The following ATAD2B variants were observed in gnomAD, a reference collection of about 807,000 sequenced individuals.
The protein encoded by ATAD2B is ATPase family AAA domain-containing protein 2B.
A neutral mutation model predicts 167.6 loss-of-function variants in ATAD2B; 40 were observed. The ratio of observed to expected loss-of-function variants is 0.24; its 90% CI spans 0.19 to 0.31. The LOEUF (loss-of-function observed/expected upper bound fraction) is 0.31. Among genes scored for constraint, ATAD2B ranks in the 10% least tolerant of loss-of-function variants. ATAD2B has a pLI of 1.00. For synonymous variants in ATAD2B, 579 were observed against 596.5 expected (o/e 0.97, Z 0.43); for missense variants, 1,242 against 1,757.2 (o/e 0.71, Z 5.24).
intron 18 of ATAD2B, among the ~76,000 whole-genome samples, chr2:23,802,197 A>G (rs1297251088): frequency 6.6e-6 from 1 of 151,706 alleles, no homozygotes; most frequent in Non-Finnish European, 1.5e-5. Flanking sequence ...TTGGGAGCTA[A>G]AACATCCTCA....
chr2:23,907,674 T>C (rs1025247122), intron 1 of ATAD2B, among the ~76,000 whole-genome samples: 3 of 152,174 alleles, frequency 2.0e-5, no homozygotes, highest in African/African-American at 7.2e-5. Flanking sequence ...AGAGCCCCCA[T>C]TGCCAAGTCA....
chr2:23,702,366 A>C, the ATAD2B span, among the ~76,000 whole-genome samples: 1 of 152,244 alleles, frequency 6.6e-6, no homozygotes, highest in African/African-American at 2.4e-5. Context: ...CTATTTTATA[A>C]TAAAATGTCA....
intron 27 of ATAD2B, among the ~76,000 whole-genome samples, chr2:23,752,641 G>A (rs1675491797): frequency 6.6e-6 from 1 of 151,964 alleles, no homozygotes. Flanking sequence ...TGGCAGTCAG[G>A]ATTTGAATAC....
chr2:23,736,593 C>T, the ATAD2B span, among the ~76,000 whole-genome samples: 18,187 of 152,170 alleles, frequency 0.12, 1,165 homozygotes, highest in Middle Eastern at 0.21. Flanking sequence ...AGAACAGCTC[C>T]GGTCTACAGC....
At chr2:23,817,065 C>T (rs1686555723) in intron 17 of ATAD2B, among the ~76,000 whole-genome samples, 1 of 152,078 alleles carries the variant, frequency 6.6e-6, no homozygotes, top group Non-Finnish European at 1.5e-5. Flanking sequence ...GAAAACTAAA[C>T]CAACCAAACA....
intron 18 of ATAD2B, among the ~76,000 whole-genome samples, chr2:23,804,922 C>T (rs990797889): frequency 6.6e-6 from 1 of 151,784 alleles, no homozygotes; most frequent in Non-Finnish European, 1.5e-5. Flanking sequence ...GCGGGTAGAT[C>T]ACCTGAGGTC....
chr2:23,869,379 G>C (rs1258983048), intron 9 of ATAD2B, among the ~76,000 whole-genome samples: 1 of 152,162 alleles, frequency 6.6e-6, no homozygotes, highest in African/African-American at 2.4e-5. Context: ...TTAGAAAGGA[G>C]GTACAGAGGA....
the ATAD2B span, among the ~76,000 whole-genome samples, chr2:23,720,795 G>C: frequency 1.1e-4 from 17 of 152,184 alleles, 1 homozygote; most frequent in African/African-American, 3.9e-4. Context: ...AGAGCTGCCT[G>C]GAATTCATCC....
At chr2:23,742,127 A>C in the ATAD2B span, among the ~76,000 whole-genome samples, 51 of 152,200 alleles carry the variant, frequency 3.4e-4, no homozygotes, top group South Asian at 2.1e-4. Flanking sequence ...TAGTTCAACC[A>C]TTGTGGAAGT....
chr2:23,688,390 C>G, the ATAD2B span, among the ~76,000 whole-genome samples: 1 of 152,214 alleles, frequency 6.6e-6, no homozygotes, highest in Non-Finnish European at 1.5e-5. Context: ...AGACAGTGCC[C>G]AGTTCCAACT....
chr2:23,760,766 ACAC>A (rs141182808), intron 24 of ATAD2B, among the ~76,000 whole-genome samples: 59,310 of 148,750 alleles, frequency 0.4, 12,797 homozygotes, highest in East Asian at 0.75. Context: ...ACACACACAC[ACAC>A]ACCACTTCCT....
chr2:23,908,089 T>TC (rs1701751044), intron 1 of ATAD2B, among the ~76,000 whole-genome samples: 1 of 152,204 alleles, frequency 6.6e-6, no homozygotes, highest in Non-Finnish European at 1.5e-5. Flanking sequence ...GGCAAGGACT[T>TC]CGTGTCTAAA....
intron 19 of ATAD2B, 81 bp from the exon 20 acceptor site, chr2:23,788,728 C>T: frequency 8.9e-7 from 1 of 1,124,072 alleles, no homozygotes; most frequent in South Asian, 1.6e-5. Flanking sequence ...GCAATGTCTT[C>T]ATCTTCCAGT....
chr2:23,849,863 C>T (rs940113726), intron 13 of ATAD2B, among the ~76,000 whole-genome samples: 1 of 152,100 alleles, frequency 6.6e-6, no homozygotes, highest in African/African-American at 2.4e-5. Context: ...CTGCTTAACA[C>T]TATTAATGCC....
At chr2:23,780,005 G>A (rs1679756660) in intron 22 of ATAD2B, among the ~76,000 whole-genome samples, 1 of 152,150 alleles carries the variant, frequency 6.6e-6, no homozygotes, top group South Asian at 2.1e-4. Context: ...AGCACTTTGG[G>A]AGGCCAAGGT....
At chr2:23,680,671 CTCTCTAGGCCATCTTCCCCTGGGG>C in the ATAD2B span, among the ~76,000 whole-genome samples, 4 of 140,066 alleles carry the variant, frequency 2.9e-5, no homozygotes, top group South Asian at 2.4e-4. The surrounding 1 kb of genome is among the most constrained non-coding windows in gnomAD (Gnocchi z 4.1). Context: ...TTCTCCTGGG[CTCTCTAGGCCATCTTCCCCTGGGG>C]TCTCTAGGCC....
chr2:23,715,130 G>A, the ATAD2B span, among the ~76,000 whole-genome samples: 1 of 152,226 alleles, frequency 6.6e-6, no homozygotes. Context: ...GACAACTTCT[G>A]GAAAAGGCTC....
intron 19 of ATAD2B, 51 bp downstream of exon 19, chr2:23,798,087 C>G (rs1682891480): frequency 1.7e-6 from 2 of 1,194,110 alleles, no homozygotes; most frequent in South Asian, 4.4e-5. Flanking sequence ...ACAGAGTCAA[C>G]TATTTTAGAA....
At chr2:23,706,949 G>T in the ATAD2B span, 6 of 299,040 alleles carry the variant, frequency 2.0e-5, no homozygotes, top group South Asian at 5.1e-4. Context: ...AGAGTTTCAC[G>T]TATTTTTCAA....
Sources: allele counts gnomAD v4.1 joint callset (sites outside exome capture counted in the v4.1 genomes callset), GRCh38; gene constraint gnomAD v4.1.1; non-coding constraint Gnocchi (gnomAD v3.1); transcripts MANE v1.5; gene names NCBI Gene and HGNC (gene_info 2026-07-23, HGNC 2026-07-21).